Variants in PCDHGA9 observed in about 807,000 individuals in gnomAD.
PCDHGA9 encodes the protein protocadherin gamma subfamily A, 9.
A neutral mutation model predicts 62.5 loss-of-function variants in PCDHGA9; 37 were observed. The ratio of observed to expected loss-of-function variants is 0.59; its 90% CI spans 0.46 to 0.78. The LOEUF (loss-of-function observed/expected upper bound fraction) is 0.78, where lower values mean the gene tolerates loss of function less well. PCDHGA9 is among the 30% of genes least tolerant of loss of function. PCDHGA9 has a pLI of 0.00. For synonymous variants in PCDHGA9, 459 were observed against 484.6 expected (o/e 0.95, Z 0.69); for missense variants, 1,138 against 1,166.2 (o/e 0.98, Z 0.35).
chr5:141,486,211 T>C lies in PCDHGA9; in HGVS notation c.2425-8596T>C, dbSNP rs779905477. On this transcript the variant is annotated intron_variant, in intron 1 of 3. Coordinates refer to ENST00000573521, the MANE Select transcript of PCDHGA9 (RefSeq NM_018921.3). The surrounding 1 kb of genome is among the most constrained non-coding windows in gnomAD (Gnocchi z 5.0). ...TGGATCTGCTGGACGTAAATGACAA[T>C]GCCCCTTACATCACAGTGACCTCAG... 6.2e-7 allele frequency: 1 copy of C among 1,614,142 alleles called. No homozygotes were observed. Among genetic ancestry groups the C allele is most frequent in the Non-Finnish European group, 8.5e-7 (1 of 1,180,024 alleles).
At chr5:141,469,804 T>C (rs1433459377) in intron 1 of PCDHGA9, among the ~76,000 whole-genome samples, 1 of 152,060 alleles carries the variant, frequency 6.6e-6, no homozygotes, top group Non-Finnish European at 1.5e-5. Context: ...TGCAAAAACA[T>C]TGTAGATAGA....
Position 141,405,104 on chromosome 5 carries a change from C to A in PCDHGA9, c.2152C>A (p.His718Asn). ...CACGCTGCTGGCCCTCAGGCTGAGG[C>A]ACTGGCACTCCTCGCATCTGCTGCG... is the stretch of plus-strand genomic sequence containing the variant. ...VITLLALRLR[H>N]WHSSHLLRAT... Residue 718 changes from histidine (H) to asparagine (N), a missense_variant, in exon 1 of 4, where the codon CAC becomes AAC. Transcript: ENST00000573521. 1.9e-6 allele frequency: 3 copies of A among 1,613,940 alleles called. No individual in the cohort carries two copies. Among genetic ancestry groups the A allele is most frequent in the Non-Finnish European group, 2.5e-6 (3 of 1,179,822 alleles).
At position 141,431,525 on chromosome 5, in the gene PCDHGA9, G is replaced by A. The variant is rs1390184616; in HGVS notation, c.2424+26149G>A. The A allele has an allele frequency of 5.6e-6, 9 of 1,613,956 alleles. No individual in the cohort carries two copies. Among genetic ancestry groups the A allele is most frequent in the Non-Finnish European group, 7.6e-6 (9 of 1,180,044 alleles). ...CCGCGCGAGCGTTCCGGAGAATCTG[G>A]CCTTGGGCACGCAGCTGCTTGTAGT... On this transcript the variant is annotated intron_variant, in intron 1 of 3. Transcript: ENST00000573521. This position sits in a 1 kb window ranked among gnomAD's most constrained non-coding sequence, Gnocchi z 4.8.
Position 141,428,338 on chromosome 5 carries a change from T to C in PCDHGA9, c.2424+22962T>C, listed in dbSNP as rs575215422. 427 of 592,394 alleles carry C rather than the reference T, an allele frequency of 7.2e-4. 1 individual carries two copies. The highest frequency in any genetic ancestry group is 1.3e-3 in the Non-Finnish European group (409 of 326,444). 36.7% of individuals were successfully genotyped at this position (592,394 alleles called of 1,614,324 possible). ...CTTGGCCTTGATTTCTATGCTCTTC[T>C]TCCTCGCAGTGATTTTGGCGGTCGC... On this transcript the variant is annotated intron_variant, in intron 1 of 3. Coordinates refer to ENST00000573521, the MANE Select transcript of PCDHGA9 (RefSeq NM_018921.3).
chr5:141,420,242 A>T (rs1241562871), intron 1 of PCDHGA9: 1 of 1,586,666 alleles, frequency 6.3e-7, no homozygotes, highest in Non-Finnish European at 8.6e-7. Context: ...TTTAACTCCC[A>T]GCGTTGAAGC....
chr5:141,506,262 A>G (rs1395369571), intron 3 of PCDHGA9, among the ~76,000 whole-genome samples: 1 of 152,046 alleles, frequency 6.6e-6, no homozygotes, highest in Admixed American at 6.6e-5. Context: ...CGGCCTGGCC[A>G]ACATAGTGAA....
intron 1 of PCDHGA9, among the ~76,000 whole-genome samples, chr5:141,448,768 G>A (rs544426582): frequency 1.3e-5 from 2 of 151,632 alleles, no homozygotes; most frequent in Non-Finnish European, 2.9e-5. Flanking sequence ...GTGAAACCCC[G>A]TCTGTACTAA....
At chr5:141,417,538 A>G (rs2154547037) in intron 1 of PCDHGA9, 2 of 297,748 alleles carry the variant, frequency 6.7e-6, no homozygotes, top group East Asian at 6.0e-5. Flanking sequence ...AGTTTAAAAA[A>G]AATTCCTTGA....
chr5:141,404,315 G>A lies in PCDHGA9; in HGVS notation c.1363G>A (p.Ala455Thr), dbSNP rs775576610. The A allele has an allele frequency of 9.7e-5, 157 of 1,613,768 alleles. No individual in the cohort carries two copies. Among genetic ancestry groups the A allele is most frequent in the South Asian group, 4.1e-4 (37 of 91,078 alleles). The change falls in exon 1 of 4, where the codon GCC (alanine) becomes ACC (threonine). Residue 455 changes from alanine (A) to threonine (T), a missense_variant. Transcript: ENST00000573521. ...INDNPPAFSQ[A>T]SYSVYLPENN... Reference sequence around the variant, plus strand: ...TGATAATCCACCTGCTTTCTCTCAAGCCTCCTACTCAGTCTACCTCCCGGA... The same window carrying A: ...TGATAATCCACCTGCTTTCTCTCAAACCTCCTACTCAGTCTACCTCCCGGA...
At chr5:141,414,706 A>G in intron 1 of PCDHGA9, 1 of 1,614,002 alleles carries the variant, frequency 6.2e-7, no homozygotes, top group South Asian at 1.1e-5. Context: ...ATACATATCC[A>G]TCAACTCAGA....
At chr5:141,422,592 C>T (rs2096658264) in intron 1 of PCDHGA9, 1 of 1,614,090 alleles carries the variant, frequency 6.2e-7, no homozygotes. Flanking sequence ...TTTTTCCTCA[C>T]TCCTCTTACT....
chr5:141,429,851 TC>T (rs1447325775), intron 1 of PCDHGA9, among the ~76,000 whole-genome samples: 2 of 152,224 alleles, frequency 1.3e-5, no homozygotes, highest in African/African-American at 4.8e-5. Context: ...TCTGTAACAT[TC>T]TTTGGACTAC....
At chr5:141,415,746 T>G (rs766611858) in intron 1 of PCDHGA9, 17 of 662,556 alleles carry the variant, frequency 2.6e-5, no homozygotes, top group East Asian at 1.1e-4. Context: ...TAAGGTTTTT[T>G]TTTTTTTTTT....
In PCDHGA9 at chr5:141,460,999, G is replaced by GTA. The variant is rs1350972422; in HGVS notation, c.2425-33797_2425-33796dup. Reference sequence around the variant, plus strand: ...TGTGTGTGTGTATATATATATATGTGTATATATATATACCACATTTTCTTT... The same window carrying GTA: ...TGTGTGTGTGTATATATATATATGTGTATATATATATATACCACATTTTCTTT... On this transcript the variant is annotated intron_variant, in intron 1 of 3. Coordinates refer to ENST00000573521, the MANE Select transcript of PCDHGA9 (RefSeq NM_018921.3). Among the ~76,000 whole-genome samples, 54 of 149,566 alleles carry GTA rather than the reference G, an allele frequency of 3.6e-4. No homozygotes were observed. The South Asian group carries it at 4.2e-3, about 12-fold the overall frequency.
At chr5:141,494,156 C>T (rs566096073) in intron 1 of PCDHGA9, among the ~76,000 whole-genome samples, 22 of 152,316 alleles carry the variant, frequency 1.4e-4, no homozygotes, top group African/African-American at 4.3e-4. Context: ...TTGTCTGGCA[C>T]GGAGTTCTAG....
At position 141,476,033 on chromosome 5, in the gene PCDHGA9, C is replaced by T; in HGVS notation, c.2425-18774C>T. On this transcript the variant is annotated intron_variant, in intron 1 of 3. Transcript: ENST00000573521. The surrounding 1 kb of genome is among the most constrained non-coding windows in gnomAD (Gnocchi z 7.6). The stretch of plus-strand genomic sequence containing the variant: ...GCCATGTCGGACTCGGCGCCCAGCG[C>T]CCAAGCGCTAACCCGCTGAAAGTTT... 6.8e-7 allele frequency: 1 copy of T among 1,469,590 alleles called. No individual in the cohort carries two copies. Among genetic ancestry groups the T allele is most frequent in the Non-Finnish European group, 9.0e-7 (1 of 1,105,326 alleles). 91.0% of individuals were successfully genotyped at this position (1,469,590 alleles called of 1,614,324 possible). A position where few individuals can be genotyped will look rare whatever the true frequency, so the allele number is the denominator to read the frequency against.
chr5:141,408,048 G>C, intron 1 of PCDHGA9: 1 of 1,245,698 alleles, frequency 8.0e-7, no homozygotes, highest in Non-Finnish European at 1.1e-6. Context: ...CTCCCACACA[G>C]AGCCTCCCGG....
At chr5:141,434,875 A>G (rs2097725018) in intron 1 of PCDHGA9, among the ~76,000 whole-genome samples, 1 of 151,990 alleles carries the variant, frequency 6.6e-6, no homozygotes, top group African/African-American at 2.4e-5. Flanking sequence ...TGTGACAGAT[A>G]CCAACAACAA....
At chr5:141,419,051 T>A (rs1007349455) in intron 1 of PCDHGA9, 6 of 1,613,950 alleles carry the variant, frequency 3.7e-6, no homozygotes, top group East Asian at 2.2e-5. Context: ...TCATTCTTCT[T>A]CTAATAATTA....
Sources: gnomAD v4.1 joint callset for allele counts (sites outside exome capture counted in the v4.1 genomes callset) on GRCh38, gnomAD v4.1.1 for gene constraint, Gnocchi (gnomAD v3.1) non-coding constraint, MANE v1.5 for transcripts, NCBI Gene and HGNC (gene_info 2026-07-23, HGNC 2026-07-21) for gene names.